The following KCTD17 variants were observed in gnomAD, a reference collection of about 807,000 sequenced individuals.
KCTD17 encodes potassium channel tetramerization domain containing 17.
KCTD17 carries 20 observed loss-of-function variants against 41.5 expected under a neutral mutation model. That is an observed-to-expected ratio of 0.48 (90% confidence interval 0.34 to 0.70). The LOEUF is 0.70. KCTD17 is among the 30% of genes least tolerant of loss of function. KCTD17 has a pLI of 0.01. For synonymous variants in KCTD17, 156 were observed against 173.8 expected (o/e 0.90, Z 0.80); for missense variants, 317 against 427.2 (o/e 0.74, Z 2.27).
In KCTD17 at chr22:37,060,699, C is replaced by T. The variant is rs1177064532; in HGVS notation, c.613-124C>T. The T allele has an allele frequency of 2.7e-5, 36 of 1,357,184 alleles. 1 individual carries two copies. Among genetic ancestry groups the T allele is most frequent in the Non-Finnish European group, 3.3e-5 (34 of 1,043,832 alleles). The allele number at this position is 1,357,184 out of a possible 1,614,324, so 84.1% of individuals were successfully genotyped here. A position where few individuals can be genotyped will look rare whatever the true frequency, so the allele number is the denominator to read the frequency against. On this transcript the variant is annotated intron_variant, in intron 5 of 8. Transcript: ENST00000403888. ...GCCCCCAGCTTCTGTGGCTGGAGCCCTCCCCTCTCCTGAGGTCCCTTTCAC... is the reference window on the plus strand; with the variant it reads ...GCCCCCAGCTTCTGTGGCTGGAGCCTTCCCCTCTCCTGAGGTCCCTTTCAC...
rs1601499340 is a variant in KCTD17 at position 37,061,007 on chromosome 22, G to A, written c.712+85G>A. On this transcript the variant is annotated intron_variant, in intron 6 of 8. Transcript: ENST00000403888. The surrounding 1 kb of genome is among the most constrained non-coding windows in gnomAD (Gnocchi z 6.6). Reference sequence around the variant, plus strand: ...TTGCTGGAGCCAGCTGCAGAACCGGGGGCCCCGGGGCTGCTGGGGGGGCAC... The same window carrying A: ...TTGCTGGAGCCAGCTGCAGAACCGGAGGCCCCGGGGCTGCTGGGGGGGCAC... The A allele has an allele frequency of 5.2e-6, 8 of 1,546,724 alleles. No homozygotes were observed. The highest frequency in any genetic ancestry group is 7.0e-6 in the Non-Finnish European group (8 of 1,143,456).
In KCTD17 at chr22:37,060,303, A is replaced by T. The variant is rs561266037; in HGVS notation, c.613-520A>T. 2.7e-5 allele frequency among the ~76,000 whole-genome samples: 3 copies of T among 111,488 alleles called. No individual in the cohort carries two copies. In the South Asian group the frequency reaches 8.5e-4, roughly 32 times the overall value. The allele number at this position is 111,488 out of a possible 152,430, so 73.1% of individuals were successfully genotyped here. On this transcript the variant is annotated intron_variant, in intron 5 of 8. Transcript: ENST00000403888. ...TGTGACGCACCCTGCCTGCCCACCC[A>T]CCCCCACCACTGCCAGGGCTGACGC... is the stretch of plus-strand genomic sequence containing the variant.
intron 1 of KCTD17, chr22:37,052,625 A>G (rs576507940): frequency 5.1e-5 from 24 of 470,882 alleles, no homozygotes; most frequent in African/African-American, 1.4e-4. Context: ...AATGTCTCCG[A>G]TCTCTCTGTA....
At chr22:37,056,109 T>G (rs544109594) in intron 2 of KCTD17, among the ~76,000 whole-genome samples, 1 of 152,258 alleles carries the variant, frequency 6.6e-6, no homozygotes, top group African/African-American at 2.4e-5. Context: ...ACAGCAGAGC[T>G]GTGTGGCAGC....
chr22:37,052,049 C>G, intron 1 of KCTD17, 100 bp downstream of exon 1: 3 of 1,050,320 alleles, frequency 2.9e-6, no homozygotes, highest in Non-Finnish European at 2.3e-6. Flanking sequence ...GGGACCCGGC[C>G]GGGTTCATTT....
In KCTD17 at chr22:37,062,679, G is replaced by A. The variant is rs974323996; in HGVS notation, c.*85G>A. 35 of 1,549,256 alleles carry A rather than the reference G, an allele frequency of 2.3e-5. No individual in the cohort carries two copies. The highest frequency in any genetic ancestry group is 2.1e-4 in the Middle Eastern group (1 of 4,816). ...TCCCCGGCCTCCTCTGTCTGCACCCGTGGGGCTGTGACTTACTCCTGCCTC... is the reference window on the plus strand; with the variant it reads ...TCCCCGGCCTCCTCTGTCTGCACCCATGGGGCTGTGACTTACTCCTGCCTC... On this transcript the variant is annotated 3_prime_UTR_variant, in exon 9 of 9. Coordinates refer to ENST00000403888, the MANE Select transcript of KCTD17 (RefSeq NM_001282684.2).
rs375434431 is a variant in KCTD17, at chr22:37,061,529, C to T, written c.785-10C>T. 32 of 1,600,398 alleles carry T rather than the reference C, an allele frequency of 2.0e-5. No homozygotes were observed. The highest frequency in any genetic ancestry group is 2.5e-5 in the Non-Finnish European group (29 of 1,179,258). On this transcript the variant is annotated splice_polypyrimidine_tract_variant and intron_variant, in intron 7 of 8. Coordinates refer to ENST00000403888, the MANE Select transcript of KCTD17 (RefSeq NM_001282684.2). The surrounding 1 kb of genome is among the most constrained non-coding windows in gnomAD (Gnocchi z 6.6). Reference sequence around the variant, plus strand: ...CCTCCCGGCCTCCTCCTCACGTTTCCTCCTTGCAGGTTCCCGTCCGCACCC... The same window carrying T: ...CCTCCCGGCCTCCTCCTCACGTTTCTTCCTTGCAGGTTCCCGTCCGCACCC...
rs1925516282 is a variant in KCTD17, at chr22:37,059,423, C to A, written c.597C>A (p.Ser199=). Residue 199 remains serine (S), a synonymous_variant, in exon 5 of 9, where the codon TCC becomes TCA. Coordinates refer to ENST00000403888, the MANE Select transcript of KCTD17 (RefSeq NM_001282684.2). ...CCCCAAACGGGCTGAGCTCAGAGTC[C>A]AGCCGCAAAACCAAGGTGAGCCCAC... The part of the protein sequence containing the change: ...HSTPNGLSSE[S]SRKTKSTEEQ... The A allele has an allele frequency of 6.2e-7, 1 of 1,610,198 alleles. No homozygotes were observed. Among genetic ancestry groups the A allele is most frequent in the African/African-American group, 1.3e-5 (1 of 74,876 alleles).
intron 2 of KCTD17, among the ~76,000 whole-genome samples, chr22:37,056,102 G>C (rs1019857569): frequency 2.0e-5 from 3 of 152,190 alleles, no homozygotes; most frequent in Non-Finnish European, 4.4e-5. Context: ...ACTCAGCACA[G>C]CAGAGCTGTG....
At position 37,051,955 on chromosome 22, in the gene KCTD17, GC is replaced by G; in HGVS notation, c.189+11del. On this transcript the variant is annotated splice_region_variant and intron_variant, in intron 1 of 8. Coordinates refer to ENST00000403888, the MANE Select transcript of KCTD17 (RefSeq NM_001282684.2). ...AAGAGCTGCAGTCGGACCGGGTGAG[GC>G]CCCCGGGGTGGGCGGCGAGCGGGCG... 4.8e-6 allele frequency: 7 copies of G among 1,463,712 alleles called. No individual in the cohort carries two copies. Among genetic ancestry groups the G allele is most frequent in the South Asian group, 1.3e-5 (1 of 76,016 alleles). 90.7% of individuals were successfully genotyped at this position (1,463,712 alleles called of 1,614,324 possible).
intron 2 of KCTD17, among the ~76,000 whole-genome samples, chr22:37,054,338 C>T (rs1052314588): frequency 1.4e-4 from 21 of 152,272 alleles, no homozygotes; most frequent in African/African-American, 5.1e-4. Context: ...TTCTCAAAGC[C>T]CTGCTATTCC....
chr22:37,056,326 T>C lies in KCTD17; in HGVS notation c.305T>C (p.Leu102Pro). ...TCTGTTCTGTCTGTGCCAGGGGTCC[T>C]GGAGGAAGCCGAGTTCTACAACATC... ...LDKDMAEEGVLEEAEFYNIGP... is the reference protein window; with the variant it reads ...LDKDMAEEGVPEEAEFYNIGP... Residue 102 changes from leucine to proline, a missense_variant, in exon 3 of 9, where the codon CTG becomes CCG. Leu to Pro is a moderately conservative substitution (Grantham distance 98, BLOSUM62 -3). Coordinates refer to ENST00000403888, the MANE Select transcript of KCTD17 (RefSeq NM_001282684.2). 1 of 1,612,556 alleles carries C rather than the reference T, an allele frequency of 6.2e-7. No homozygotes were observed. The highest frequency in any genetic ancestry group is 8.5e-7 in the Non-Finnish European group (1 of 1,179,344).
chr22:37,054,298 C>T (rs941924669), intron 2 of KCTD17, among the ~76,000 whole-genome samples: 3 of 152,176 alleles, frequency 2.0e-5, no homozygotes, highest in South Asian at 4.1e-4. Flanking sequence ...CCAGCTGCGT[C>T]GCAGCCAGCA....
chr22:37,061,055 C>T lies in KCTD17; in HGVS notation c.713-49C>T, dbSNP rs1925718930. The stretch of plus-strand genomic sequence containing the variant: ...CACCAGGGTTAGCTCAGCCACTTGC[C>T]TGGCGCCTCACCCGCATAACCATCC... On this transcript the variant is annotated intron_variant, in intron 6 of 8. Coordinates refer to ENST00000403888, the MANE Select transcript of KCTD17 (RefSeq NM_001282684.2). This position sits in a 1 kb window ranked among gnomAD's most constrained non-coding sequence, Gnocchi z 6.6. 1.3e-6 allele frequency: 2 copies of T among 1,551,262 alleles called. No homozygotes were observed. The highest frequency in any genetic ancestry group is 1.7e-6 in the Non-Finnish European group (2 of 1,146,840).
At chr22:37,058,725 G>A (rs1222701452) in intron 4 of KCTD17, among the ~76,000 whole-genome samples, 3 of 152,178 alleles carry the variant, frequency 2.0e-5, no homozygotes, top group African/African-American at 7.2e-5. Context: ...CTGGAACAAG[G>A]GCAGGGCCAC....
rs746274419 is a variant in KCTD17, at chr22:37,057,492, AG to A, written c.486+1del. 6.2e-7 allele frequency: 1 copy of A among 1,610,254 alleles called. No individual in the cohort carries two copies. The highest frequency in any genetic ancestry group is 8.5e-7 in the Non-Finnish European group (1 of 1,179,602). On this transcript the variant is annotated frameshift_variant and splice_region_variant, in exon 4 of 9. Coordinates refer to ENST00000403888, the MANE Select transcript of KCTD17 (RefSeq NM_001282684.2). LOFTEE classifies it high-confidence loss of function. The stretch of plus-strand genomic sequence containing the variant: ...ATGTCTGATGGCTGGCGCTTCGAGC[AG>A]GTGCGCTGGGGACAGGGGCGTGCCA... ...STMSDGWRFEQLVNIGSSYNY... is the reference protein window; with the variant it reads ...STMSDGWRFEXLVNIGSSYNY...
chr22:37,060,502 C>T (rs1251078430), intron 5 of KCTD17, among the ~76,000 whole-genome samples: 2 of 152,212 alleles, frequency 1.3e-5, no homozygotes, highest in Non-Finnish European at 2.9e-5. Context: ...CCTTCCCAGG[C>T]ACCCCTCAGG....
intron 2 of KCTD17, among the ~76,000 whole-genome samples, chr22:37,054,056 G>A (rs1924811028): frequency 6.6e-6 from 1 of 152,142 alleles, no homozygotes; most frequent in South Asian, 2.1e-4. Flanking sequence ...TCCTGCACCT[G>A]TGCGTGCCTT....
rs762670625 is a variant in KCTD17, at chr22:37,053,224, G to C, written c.298+16G>C. 4.5e-6 allele frequency: 7 copies of C among 1,560,812 alleles called. No homozygotes were observed. Among genetic ancestry groups the C allele is most frequent in the Non-Finnish European group, 5.2e-6 (6 of 1,145,634 alleles). On this transcript the variant is annotated intron_variant, in intron 2 of 8. Coordinates refer to ENST00000403888, the MANE Select transcript of KCTD17 (RefSeq NM_001282684.2). The surrounding 1 kb of genome is among the most constrained non-coding windows in gnomAD (Gnocchi z 4.1). ...GCTGAGGAGGGTGAGTTGGTCCAGGGGGCTGGCCTGGACCTTATGCAGCCT... is the reference window on the plus strand; with the variant it reads ...GCTGAGGAGGGTGAGTTGGTCCAGGCGGCTGGCCTGGACCTTATGCAGCCT...
Sources: gnomAD v4.1 joint callset for allele counts (sites outside exome capture counted in the v4.1 genomes callset) on GRCh38, gnomAD v4.1.1 for gene constraint, Gnocchi (gnomAD v3.1) non-coding constraint, MANE v1.5 for transcripts, NCBI Gene and HGNC (gene_info 2026-07-23, HGNC 2026-07-21) for gene names.